The following FOXO1 variants were observed in gnomAD, a reference collection of about 807,000 sequenced individuals.
The protein encoded by FOXO1 is forkhead box protein O1.
A neutral mutation model predicts 44.1 loss-of-function variants in FOXO1; 6 were observed. The observed-to-expected ratio is 0.14, with a 90% CI of 0.07 to 0.27. The LOEUF (loss-of-function observed/expected upper bound fraction) is 0.27. Among genes scored for constraint, FOXO1 ranks in the 10% least tolerant of loss-of-function variants. FOXO1 has a pLI of 1.00. For synonymous variants in FOXO1, 380 were observed against 362.7 expected (o/e 1.05, Z -0.54); for missense variants, 737 against 888.8 (o/e 0.83, Z 2.17).
intron 1 of FOXO1, among the ~76,000 whole-genome samples, chr13:40,581,913 C>CG (rs1157868465): frequency 1.3e-5 from 2 of 152,124 alleles, no homozygotes; most frequent in African/African-American, 4.8e-5. Flanking sequence ...AGCCAGGGTA[C>CG]GGGCTTCTGG....
intron 1 of FOXO1, among the ~76,000 whole-genome samples, chr13:40,573,021 T>A (rs9549236): frequency 6.6e-6 from 1 of 151,980 alleles, no homozygotes; most frequent in African/African-American, 2.4e-5. Flanking sequence ...AAAGCCTCCA[T>A]GACTCCTCCT....
chr13:40,570,101 G>GA (rs1370120093), intron 1 of FOXO1, among the ~76,000 whole-genome samples: 1 of 152,004 alleles, frequency 6.6e-6, no homozygotes, highest in Non-Finnish European at 1.5e-5. Flanking sequence ...TCACGAGGGT[G>GA]AAGAGATGGA....
At chr13:40,665,478 G>T in intron 1 of FOXO1, 105 bp downstream of exon 1, 1 of 1,023,974 alleles carries the variant, frequency 9.8e-7, no homozygotes, top group Non-Finnish European at 1.3e-6. Context: ...CTGGGAACGC[G>T]CTGCCCTCCT....
intron 1 of FOXO1, among the ~76,000 whole-genome samples, chr13:40,609,112 G>A (rs964597780): frequency 2.6e-5 from 4 of 152,092 alleles, no homozygotes; most frequent in Non-Finnish European, 4.4e-5. Flanking sequence ...CCAGCACACA[G>A]CTCAATGTCA....
chr13:40,559,627 G>A lies in FOXO1; in HGVS notation c.1864C>T (p.Leu622Phe), dbSNP rs1419816988. Residue 622 changes from leucine (L) to phenylalanine (F), a missense_variant, in exon 2 of 3, where the codon CTC (leucine) becomes TTC (phenylalanine). Leu to Phe is a conservative substitution (Grantham distance 22). Coordinates refer to ENST00000379561, the MANE Select transcript of FOXO1 (RefSeq NM_002015.4). ...AAATCCAATGTATCTCCATCCATGAGGTCATTCCGAATGATGGATTCCATG... is the reference window on the plus strand; with the variant it reads ...AAATCCAATGTATCTCCATCCATGAAGTCATTCCGAATGATGGATTCCATG... ...CDMESIIRND[L>F]MDGDTLDFNF... 1.9e-6 allele frequency: 3 copies of A among 1,614,176 alleles called. No individual in the cohort carries two copies. The highest frequency in any genetic ancestry group is 1.7e-5 in the Admixed American group (1 of 60,010).
chr13:40,648,461 A>G (rs918222124), intron 1 of FOXO1, among the ~76,000 whole-genome samples: 2 of 152,232 alleles, frequency 1.3e-5, no homozygotes, highest in African/African-American at 4.8e-5. Flanking sequence ...GCAAAAACTA[A>G]ATATGATTGT....
At chr13:40,598,147 C>T (rs1011917382) in intron 1 of FOXO1, among the ~76,000 whole-genome samples, 1 of 152,074 alleles carries the variant, frequency 6.6e-6, no homozygotes, top group East Asian at 1.9e-4. Flanking sequence ...ATGAAAGAGG[C>T]CCCAGTTCAG....
intron 1 of FOXO1, among the ~76,000 whole-genome samples, chr13:40,656,182 T>C (rs1229517438): frequency 1.3e-5 from 2 of 152,220 alleles, no homozygotes; most frequent in Non-Finnish European, 2.9e-5. Context: ...AATATCCCAT[T>C]ATAATCTTCA....
At chr13:40,657,353 G>C (rs532334303) in intron 1 of FOXO1, among the ~76,000 whole-genome samples, 27 of 122,782 alleles carry the variant, frequency 2.2e-4, no homozygotes, top group African/African-American at 8.7e-4. Context: ...GAGTCTTGCT[G>C]TGTCGCCCAG....
chr13:40,642,206 G>A (rs1220210303), intron 1 of FOXO1, among the ~76,000 whole-genome samples: 1 of 152,172 alleles, frequency 6.6e-6, no homozygotes. Flanking sequence ...TTTGTAGCTA[G>A]TGTAACTTCA....
intron 1 of FOXO1, among the ~76,000 whole-genome samples, chr13:40,568,387 CCT>C (rs1323647763): frequency 6.6e-6 from 1 of 152,188 alleles, no homozygotes; most frequent in Non-Finnish European, 1.5e-5. Context: ...CCTCCTCCTT[CCT>C]CTCTTTTACA....
chr13:40,619,479 T>G (rs1171478866), intron 1 of FOXO1: 2 of 1,291,890 alleles, frequency 1.5e-6, no homozygotes, highest in Admixed American at 1.7e-5. Context: ...ACTCGAACAG[T>G]GGAGAGTTTC....
At chr13:40,581,931 G>A (rs1874970788) in intron 1 of FOXO1, among the ~76,000 whole-genome samples, 1 of 152,128 alleles carries the variant, frequency 6.6e-6, no homozygotes, top group Non-Finnish European at 1.5e-5. Context: ...TGGCAGGAAA[G>A]GTGCCCTTCA....
intron 1 of FOXO1, among the ~76,000 whole-genome samples, chr13:40,561,244 C>A (rs922651233): frequency 1.4e-5 from 2 of 147,488 alleles, no homozygotes; most frequent in Non-Finnish European, 3.0e-5. Context: ...CCCAGCTACT[C>A]GGGAGGCTGG....
chr13:40,567,734 C>T (rs1185502670), intron 1 of FOXO1, among the ~76,000 whole-genome samples: 1 of 152,044 alleles, frequency 6.6e-6, no homozygotes, highest in Non-Finnish European at 1.5e-5. Context: ...CTTTGGGAGG[C>T]TGAGGAGGGC....
chr13:40,567,126 G>A (rs1874300033), intron 1 of FOXO1, among the ~76,000 whole-genome samples: 1 of 151,878 alleles, frequency 6.6e-6, no homozygotes, highest in South Asian at 2.1e-4. Context: ...CCTATATGAA[G>A]ACCACCACCT....
intron 1 of FOXO1, among the ~76,000 whole-genome samples, chr13:40,573,649 A>T (rs1028832545): frequency 6.6e-6 from 1 of 152,262 alleles, no homozygotes; most frequent in African/African-American, 2.4e-5. Context: ...TTGTTGTCAT[A>T]CGTTAAGACA....
chr13:40,602,752 T>C (rs1318502606), intron 1 of FOXO1, among the ~76,000 whole-genome samples: 1 of 152,208 alleles, frequency 6.6e-6, no homozygotes, highest in Non-Finnish European at 1.5e-5. Context: ...CTGCCAATCA[T>C]TTAAGGCTTT....
chr13:40,621,931 C>A (rs1876630219), intron 1 of FOXO1, among the ~76,000 whole-genome samples: 1 of 152,080 alleles, frequency 6.6e-6, no homozygotes, highest in African/African-American at 2.4e-5. Flanking sequence ...AGCTTTTGGG[C>A]TAATACTGCG....
Sources: gnomAD v4.1 joint callset for allele counts (sites outside exome capture counted in the v4.1 genomes callset) on GRCh38, gnomAD v4.1.1 for gene constraint, MANE v1.5 for transcripts, NCBI Gene and HGNC (gene_info 2026-07-23, HGNC 2026-07-21) for gene names.